The following KCNQ1 variants were observed in gnomAD, a reference collection of about 807,000 sequenced individuals.
KCNQ1 encodes the protein potassium voltage-gated channel subfamily Q member 1.
KCNQ1 carries 49 observed loss-of-function variants against 72.4 expected under a neutral mutation model. The ratio of observed to expected loss-of-function variants is 0.68; its 90% CI spans 0.54 to 0.86. KCNQ1 has a LOEUF of 0.86. Ranked by LOEUF, KCNQ1 falls within the 40% of genes least tolerant of loss-of-function variation. The probability of loss-of-function intolerance (pLI) is 0.00; values close to 1 mark genes in which losing one functional copy is unlikely to be tolerated. For missense variants in KCNQ1, 790 were observed against 945.1 expected, an observed-to-expected ratio of 0.84 and a Z score of 2.15; for synonymous variants, 450 against 412.6, an observed-to-expected ratio of 1.09 and a Z score of -1.10.
intron 2 of KCNQ1, among the ~76,000 whole-genome samples, chr11:2,560,166 G>C (rs1848138171): frequency 8.4e-6 from 1 of 118,706 alleles, no homozygotes; most frequent in African/African-American, 3.2e-5. Context: ...GAATGAGGGG[G>C]GTGATGTCCA....
At chr11:2,774,644 G>T in intron 12 of KCNQ1, among the ~76,000 whole-genome samples, 1 of 152,312 alleles carries the variant, frequency 6.6e-6, no homozygotes, top group Admixed American at 6.5e-5. Flanking sequence ...GGCATTGGTG[G>T]CAGAACCCCT....
At chr11:2,845,159 G>A (rs1171322454) in intron 15 of KCNQ1, among the ~76,000 whole-genome samples, 1 of 152,220 alleles carries the variant, frequency 6.6e-6, no homozygotes, top group Admixed American at 6.5e-5. Flanking sequence ...GGGGGTCAGG[G>A]TGTGGCTGAA....
chr11:2,798,812 G>A (rs564907049), intron 15 of KCNQ1, among the ~76,000 whole-genome samples: 19 of 152,272 alleles, frequency 1.2e-4, no homozygotes, highest in South Asian at 2.1e-4. Flanking sequence ...TAAATTGGTC[G>A]CGTTGTTTGA....
intron 10 of KCNQ1, chr11:2,648,981 CTTTTTTTTTTT>C: frequency 7.0e-5 from 22 of 313,730 alleles, no homozygotes; most frequent in Admixed American, 3.0e-4. Context: ...TTTTCTTTTT[CTTTTTTTTTTT>C]TTTTTTTTTT....
intron 1 of KCNQ1, among the ~76,000 whole-genome samples, chr11:2,461,197 C>A (rs1846272144): frequency 6.6e-6 from 1 of 152,144 alleles, no homozygotes; most frequent in African/African-American, 2.4e-5. Context: ...CAGGTGTGAT[C>A]AGGTGTGTGG....
rs36157752 is a variant in KCNQ1, at chr11:2,458,633, C to CTGGATGGATGGATGGA, written c.386+13187_386+13202dup. On this transcript the variant is annotated intron_variant, in intron 1 of 15. Transcript: ENST00000155840. The surrounding 1 kb of genome is among the most constrained non-coding windows in gnomAD (Gnocchi z 4.6). ...GCTCCCATCCACAATGCTTCCTTGC[C>CTGGATGGATGGATGGA]TGGATGGATGGATGGATGGATGGAT... 1.8e-4 allele frequency among the ~76,000 whole-genome samples: 27 copies of CTGGATGGATGGATGGA among 149,940 alleles called. No individual in the cohort carries two copies. Among genetic ancestry groups the CTGGATGGATGGATGGA allele is most frequent in the African/African-American group, 3.4e-4 (14 of 41,044 alleles).
chr11:2,675,645 C>G, intron 11 of KCNQ1: 1 of 398,480 alleles, frequency 2.5e-6, no homozygotes. Flanking sequence ...GGTGGTTGGG[C>G]TCTCTAGGAG....
intron 11 of KCNQ1, among the ~76,000 whole-genome samples, chr11:2,757,001 C>G (rs1846314700): frequency 8.9e-6 from 1 of 112,560 alleles, no homozygotes; most frequent in African/African-American, 3.2e-5. Context: ...AACATCACAT[C>G]ACACTTAATA....
rs537704897 is a variant in KCNQ1 at position 2,734,980 on chromosome 11, G to A, written c.1515-33864G>A. On this transcript the variant is annotated intron_variant, in intron 11 of 15. Transcript: ENST00000155840. The surrounding 1 kb of genome is among the most constrained non-coding windows in gnomAD (Gnocchi z 7.0). ...CCCCGGAGTGGCCGCGTGCCCAGCCGGCTGTGCACGCTGCCCCAGGCTGGT... is the reference window on the plus strand; with the variant it reads ...CCCCGGAGTGGCCGCGTGCCCAGCCAGCTGTGCACGCTGCCCCAGGCTGGT... Among the ~76,000 whole-genome samples the A allele has an allele frequency of 3.3e-5, 5 of 151,080 alleles. No individual in the cohort carries two copies. The highest frequency in any genetic ancestry group is 7.3e-5 in the African/African-American group (3 of 41,310).
At chr11:2,455,270 T>G (rs1323370676) in intron 1 of KCNQ1, among the ~76,000 whole-genome samples, 2 of 152,248 alleles carry the variant, frequency 1.3e-5, no homozygotes, top group African/African-American at 4.8e-5. Flanking sequence ...GCTAATTTTT[T>G]GTATTTTTTA....
chr11:2,634,135 A>ATTATT, intron 10 of KCNQ1: 1 of 382,014 alleles, frequency 2.6e-6, no homozygotes, highest in Non-Finnish European at 4.5e-6. Context: ...TGTCTTTGGT[A>ATTATT]TTTTTTTTTT....
Position 2,808,225 on chromosome 11 carries a change from GC to G in KCNQ1, c.1794+30190del, listed in dbSNP as rs1157673277. On this transcript the variant is annotated intron_variant, in intron 15 of 15. Coordinates refer to ENST00000155840, the MANE Select transcript of KCNQ1 (RefSeq NM_000218.3). The surrounding 1 kb of genome is among the most constrained non-coding windows in gnomAD (Gnocchi z 6.0). ...AGGGTGAACCCATCCAGGCTGGCCC[GC>G]CTTCCAGCCCTCCCCCAGCACCCAC... Among the ~76,000 whole-genome samples, 2 of 152,164 alleles carry G rather than the reference GC, an allele frequency of 1.3e-5. No homozygotes were observed. Among genetic ancestry groups the G allele is most frequent in the African/African-American group, 2.4e-5 (1 of 41,442 alleles).
At chr11:2,633,478 T>C in intron 10 of KCNQ1, 1 of 398,584 alleles carries the variant, frequency 2.5e-6, no homozygotes, top group Non-Finnish European at 4.4e-6. Flanking sequence ...CCCTTCTGTT[T>C]TCTTCTAGTA....
chr11:2,784,324 A>G lies in KCNQ1; in HGVS notation c.1794+6287A>G, dbSNP rs1459968979. Among the ~76,000 whole-genome samples, 1 of 151,898 alleles carries G rather than the reference A, an allele frequency of 6.6e-6. No individual in the cohort carries two copies. The highest frequency in any genetic ancestry group is 2.4e-5 in the African/African-American group (1 of 41,432). ...TCAAAAATCAATTGACCATAAATTT[A>G]TAGGTTTATTTCTGGATTTTCAATT... On this transcript the variant is annotated intron_variant, in intron 15 of 15. Coordinates refer to ENST00000155840, the MANE Select transcript of KCNQ1 (RefSeq NM_000218.3). This position sits in a 1 kb window ranked among gnomAD's most constrained non-coding sequence, Gnocchi z 4.7.
chr11:2,558,492 G>T (rs1848104837), intron 2 of KCNQ1, among the ~76,000 whole-genome samples: 1 of 152,218 alleles, frequency 6.6e-6, no homozygotes. Flanking sequence ...GCAGAGACTA[G>T]ATGGGCCAGC....
At position 2,648,508 on chromosome 11, in the gene KCNQ1, A is replaced by G. The variant is rs978975110; in HGVS notation, c.1394-13453A>G. Reference sequence around the variant, plus strand: ...TGTTTCAAAGAATTTTTAAATTTTTAAAATCAATTTCTTCATAGACACAGT... The same window carrying G: ...TGTTTCAAAGAATTTTTAAATTTTTGAAATCAATTTCTTCATAGACACAGT... On this transcript the variant is annotated intron_variant, in intron 10 of 15. Transcript: ENST00000155840. 7.5e-6 allele frequency: 3 copies of G among 398,352 alleles called. No individual in the cohort carries two copies. The South Asian group carries it at 3.8e-4, about 51-fold the overall frequency. The allele number at this position is 398,352 out of a possible 1,614,324, so 24.7% of individuals were successfully genotyped here.
chr11:2,830,027 A>G lies in KCNQ1; in HGVS notation c.1795-17740A>G, dbSNP rs551224572. Among the ~76,000 whole-genome samples, 10 of 84,022 alleles carry G rather than the reference A, an allele frequency of 1.2e-4. No individual in the cohort carries two copies. Among genetic ancestry groups the G allele is most frequent in the East Asian group, 8.9e-4 (2 of 2,242 alleles). 55.1% of individuals were successfully genotyped at this position (84,022 alleles called of 152,430 possible). A position where few individuals can be genotyped will look rare whatever the true frequency, so the allele number is the denominator to read the frequency against. On this transcript the variant is annotated intron_variant, in intron 15 of 15. Transcript: ENST00000155840. The surrounding 1 kb of genome is among the most constrained non-coding windows in gnomAD (Gnocchi z 7.7). ...GGAGGAAGGAGGAGGAAGGAGGAGGAAGGAGGAGGGAGGAGGAAGGAGGAG... is the reference window on the plus strand; with the variant it reads ...GGAGGAAGGAGGAGGAAGGAGGAGGGAGGAGGAGGGAGGAGGAAGGAGGAG...
In KCNQ1 at chr11:2,457,222, C is replaced by T. The variant is rs1846208981; in HGVS notation, c.386+11738C>T. ...CGGGAGTGTAAATGAGTCCAGCCAC[C>T]ATGGAAGGCAGTTTGGAGATTTCCC... On this transcript the variant is annotated intron_variant, in intron 1 of 15. Transcript: ENST00000155840. This position sits in a 1 kb window ranked among gnomAD's most constrained non-coding sequence, Gnocchi z 5.0. Among the ~76,000 whole-genome samples, 1 of 152,126 alleles carries T rather than the reference C, an allele frequency of 6.6e-6. No individual in the cohort carries two copies.
At chr11:2,589,213 T>C (rs2133761622) in intron 10 of KCNQ1, among the ~76,000 whole-genome samples, 1 of 152,268 alleles carries the variant, frequency 6.6e-6, no homozygotes, top group Non-Finnish European at 1.5e-5. Flanking sequence ...GGGTGACCTC[T>C]GGGCCTACTG....
Sources: allele counts gnomAD v4.1 joint callset (sites outside exome capture counted in the v4.1 genomes callset), GRCh38; gene constraint gnomAD v4.1.1; non-coding constraint Gnocchi (gnomAD v3.1); transcripts MANE v1.5; gene names NCBI Gene and HGNC (gene_info 2026-07-23, HGNC 2026-07-21).